Variants in ZNF398 observed in about 807,000 individuals in gnomAD.
ZNF398 encodes the protein zinc finger protein 398.
A neutral mutation model predicts 41.9 loss-of-function variants in ZNF398; 18 were observed. The ratio of observed to expected loss-of-function variants is 0.43; its 90% confidence interval spans 0.30 to 0.64. ZNF398 has a LOEUF of 0.64. Among genes scored for constraint, ZNF398 ranks in the 30% least tolerant of loss-of-function variants. The pLI is 0.14. For synonymous variants in ZNF398, 260 were observed against 308.8 expected (o/e 0.84, Z 1.66); for missense variants, 669 against 822.8 (o/e 0.81, Z 2.29).
At chr7:149,173,492 G>A (rs1050382499) in intron 4 of ZNF398, among the ~76,000 whole-genome samples, 2 of 151,992 alleles carry the variant, frequency 1.3e-5, no homozygotes, top group African/African-American at 4.8e-5. Context: ...AATTTCTTAT[G>A]CAATAAGACT....
At chr7:149,141,447 C>CTTTTTTTTTTTTTTTTTTTTTTTT (rs35331670) in intron 2 of ZNF398, among the ~76,000 whole-genome samples, 1 of 116,816 alleles carries the variant, frequency 8.6e-6, no homozygotes, top group Non-Finnish European at 1.7e-5. Context: ...AGCTACTTTT[C>CTTTTTTTTTTTTTTTTTTTTTTTT]TTTTTTTTCT....
chr7:149,182,233 GAAGAGCCCTCAGATGGAACGA>G lies in ZNF398; in HGVS notation c.*2436_*2456del, dbSNP rs1795608742. 1 of 152,192 alleles carries G rather than the reference GAAGAGCCCTCAGATGGAACGA, an allele frequency of 6.6e-6. No homozygotes were observed. The highest frequency in any genetic ancestry group is 1.5e-5 in the Non-Finnish European group (1 of 68,046). The allele number at this position is 152,192 out of a possible 1,614,324, so 9.4% of individuals were successfully genotyped here. A position where few individuals can be genotyped will look rare whatever the true frequency, so the allele number is the denominator to read the frequency against. ...GAACACAATTCAAATACGAATGAAG[GAAGAGCCCTCAGATGGAACGA>G]AAGGCGATGTGCAAGGCCATCCCAG... On this transcript the variant is annotated 3_prime_UTR_variant, in exon 6 of 6. Transcript: ENST00000475153.
At chr7:149,126,422 C>T (rs1826478103) in exon 1 of ZNF398, 2 of 947,686 alleles carry the variant, frequency 2.1e-6, no homozygotes, top group South Asian at 1.9e-5. Context: ...GGAGTCGGTC[C>T]TCAGAGGAGG....
chr7:149,174,048 C>T (rs1403283633), intron 4 of ZNF398, among the ~76,000 whole-genome samples: 2 of 151,984 alleles, frequency 1.3e-5, no homozygotes, highest in African/African-American at 4.8e-5. Context: ...CCCGCCTTGG[C>T]CTCCCAAAGT....
chr7:149,171,657 T>A (rs1795345583), intron 4 of ZNF398, among the ~76,000 whole-genome samples: 2 of 151,918 alleles, frequency 1.3e-5, no homozygotes, highest in South Asian at 4.1e-4. Context: ...CCTCCCAAAG[T>A]GCTGGGATTT....
At chr7:149,154,569 C>T (rs1794929599) in intron 2 of ZNF398, among the ~76,000 whole-genome samples, 1 of 151,826 alleles carries the variant, frequency 6.6e-6, no homozygotes, top group Admixed American at 6.6e-5. Flanking sequence ...TCTTGCTGGA[C>T]CAAAGTTGGC....
At chr7:149,128,642 G>A (rs2129518989) in intron 1 of ZNF398, among the ~76,000 whole-genome samples, 1 of 151,816 alleles carries the variant, frequency 6.6e-6, no homozygotes, top group East Asian at 1.9e-4. Flanking sequence ...CTATTTGGGA[G>A]GCAGAGGTGG....
At chr7:149,144,749 C>T (rs971851233), upstream of ZNF398, among the ~76,000 whole-genome samples, 6 of 151,840 alleles carry the variant, frequency 4.0e-5, no homozygotes, top group Admixed American at 2.0e-4. Flanking sequence ...CGACCACGCC[C>T]GGCTAGTTTT....
intron 2 of ZNF398, among the ~76,000 whole-genome samples, chr7:149,160,248 C>T (rs958201857): frequency 2.0e-5 from 3 of 152,082 alleles, no homozygotes; most frequent in African/African-American, 7.2e-5. Flanking sequence ...ACCATCCTGG[C>T]TGACACGGGG....
At chr7:149,128,780 T>TAAAATAAAATAA (rs71192757) in intron 1 of ZNF398, 1 of 143,420 alleles carries the variant, frequency 7.0e-6, no homozygotes, top group African/African-American at 2.6e-5. Context: ...TAAAATAAAA[T>TAAAATAAAATAA]TATATATATA....
intron 2 of ZNF398, among the ~76,000 whole-genome samples, chr7:149,164,976 C>T (rs1386145334): frequency 1.3e-5 from 2 of 151,784 alleles, no homozygotes; most frequent in Admixed American, 6.6e-5. Context: ...TGCCCGTAAT[C>T]CTGGCTACTT....
Position 149,182,607 on chromosome 7 carries a change from A to T in ZNF398, c.*2806A>T, listed in dbSNP as rs1335861026. ...GGGAAACCCCAGAAACGTGCTCTTC[A>T]TCTGTCAGCCTTTTGGACCAAGAAG... On this transcript the variant is annotated 3_prime_UTR_variant, in exon 6 of 6. Transcript: ENST00000475153. 1 of 152,264 alleles carries T rather than the reference A, an allele frequency of 6.6e-6. No homozygotes were observed. Among genetic ancestry groups the T allele is most frequent in the Non-Finnish European group, 1.5e-5 (1 of 68,056 alleles). The allele number at this position is 152,264 out of a possible 1,614,324, so 9.4% of individuals were successfully genotyped here. A position where few individuals can be genotyped will look rare whatever the true frequency, so the allele number is the denominator to read the frequency against.
At chr7:149,155,707 A>ATTTTTTTTTT (rs1359986695) in intron 2 of ZNF398, among the ~76,000 whole-genome samples, 1 of 73,578 alleles carries the variant, frequency 1.4e-5, no homozygotes, top group African/African-American at 6.8e-5. Flanking sequence ...ATATATATAT[A>ATTTTTTTTTT]TTTTTTTTTT....
intron 4 of ZNF398, among the ~76,000 whole-genome samples, chr7:149,175,741 A>G (rs1247725308): frequency 6.6e-6 from 1 of 151,978 alleles, no homozygotes; most frequent in South Asian, 2.1e-4. Context: ...CTGGAGTGCA[A>G]TGGTGCGATC....
At position 149,176,509 on chromosome 7, in the gene ZNF398, CAAG is replaced by C. The variant is rs771005588; in HGVS notation, c.711_713del (p.Glu238del). ...ATCAGATATTCTGTCTTGGATTAAA[CAAG>C]AAGAAGAGCCTCAGGTTGGGGCCCC... On this transcript the variant is annotated inframe_deletion, in exon 5 of 6. Transcript: ENST00000475153. 3.6e-5 allele frequency: 58 copies of C among 1,613,316 alleles called. No homozygotes were observed. The Middle Eastern group carries it at 4.9e-4, about 14-fold the overall frequency.
chr7:149,136,867 C>CTT (rs143502050), intron 2 of ZNF398, among the ~76,000 whole-genome samples: 12 of 136,068 alleles, frequency 8.8e-5, no homozygotes, highest in African/African-American at 1.9e-4. Context: ...CGCGCTGGGC[C>CTT]TTTTTTTTTT....
chr7:149,178,564 A>C, intron 5 of ZNF398, 84 bp from the exon 6 acceptor site: 1 of 1,152,876 alleles, frequency 8.7e-7, no homozygotes, highest in Non-Finnish European at 1.2e-6. Flanking sequence ...GCTTCGAGTG[A>C]TCTGTTAGAG....
In ZNF398 at chr7:149,140,213, G is replaced by A. The variant is rs1422106257; in HGVS notation, c.-490+11269G>A. On this transcript the variant is annotated intron_variant, in intron 2 of 6. Coordinates refer to the ZNF398 transcript ENST00000426851. ...TTTCAAATAGTTACATACATTGACAGTATATTTAGAGCGTGTTATCTAGAT... is the reference window on the plus strand; with the variant it reads ...TTTCAAATAGTTACATACATTGACAATATATTTAGAGCGTGTTATCTAGAT... Among the ~76,000 whole-genome samples, 6 of 152,130 alleles carry A rather than the reference G, an allele frequency of 3.9e-5. No homozygotes were observed. In the East Asian group the frequency reaches 1.2e-3, roughly 29 times the overall value.
rs1296979434 is a variant in ZNF398, at chr7:149,155,718, T to TA, written c.420+1378_420+1379insA. ...ATATATATATATATATTTTTTTTTTTTTTTTTTTTTTAATTTTTTTTTTTT... is the reference window on the plus strand; with the variant it reads ...ATATATATATATATATTTTTTTTTTTATTTTTTTTTTTAATTTTTTTTTTTT... On this transcript the variant is annotated intron_variant, in intron 2 of 5. Coordinates refer to ENST00000475153, the MANE Select transcript of ZNF398 (RefSeq NM_170686.3). 3.7e-3 allele frequency among the ~76,000 whole-genome samples: 90 copies of TA among 24,238 alleles called. 1 individual carries two copies. The highest frequency in any genetic ancestry group is 0.017 in the South Asian group (7 of 404). The allele number at this position is 24,238 out of a possible 152,430, so 15.9% of individuals were successfully genotyped here.
Sources: gnomAD v4.1 joint callset for allele counts (sites outside exome capture counted in the v4.1 genomes callset) on GRCh38, gnomAD v4.1.1 for gene constraint, MANE v1.5 for transcripts, NCBI Gene and HGNC (gene_info 2026-07-23, HGNC 2026-07-21) for gene names.